DCAF5: variants seen among roughly 807,000 people sequenced by gnomAD.
The protein encoded by DCAF5 is DDB1 and CUL4 associated factor 5, also known as DDB1- and CUL4-associated factor 5.
In DCAF5, 9 loss-of-function variants were observed where a neutral mutation model predicts 80.7. The observed-to-expected ratio is 0.11, with a 90% CI of 0.07 to 0.19. DCAF5 has a LOEUF of 0.19. Among genes scored for constraint, DCAF5 ranks in the 10% least tolerant of loss-of-function variants. DCAF5 has a pLI of 1.00. For missense variants in DCAF5, 842 were observed against 1,205.7 expected (o/e 0.70, Z 4.47); for synonymous variants, 433 against 461.9 (o/e 0.94, Z 0.80).
intron 5 of DCAF5, among the ~76,000 whole-genome samples, chr14:69,106,377 T>C (rs1402127490): frequency 6.6e-6 from 1 of 151,452 alleles, no homozygotes; most frequent in Admixed American, 6.6e-5. Flanking sequence ...TAAATTTTTA[T>C]TTATTTTTAG....
chr14:69,094,466 A>C (rs2039633724), intron 5 of DCAF5, among the ~76,000 whole-genome samples: 1 of 152,208 alleles, frequency 6.6e-6, no homozygotes, highest in African/African-American at 2.4e-5. Flanking sequence ...AGAAAGTACA[A>C]AGGAATCTCA....
intron 5 of DCAF5, among the ~76,000 whole-genome samples, chr14:69,098,727 C>CAAAAAAA (rs35501979): frequency 3.2e-5 from 3 of 92,522 alleles, no homozygotes; most frequent in Non-Finnish European, 6.0e-5. Flanking sequence ...ACTAAAAATA[C>CAAAAAAA]AAAAAAAAAA....
rs1025667902 is a variant in DCAF5 at position 69,152,162 on chromosome 14, G to A, written c.214+603C>T. On this transcript the variant is annotated intron_variant, in intron 1 of 8. Transcript: ENST00000341516. This position sits in a 1 kb window ranked among gnomAD's most constrained non-coding sequence, Gnocchi z 4.1. ...AGGCCACAACCGAACGAAAGGCGAT[G>A]GTGCTGGGCCTCTAAGAGCGCCGAG... Among the ~76,000 whole-genome samples, 1 of 152,206 alleles carries A rather than the reference G, an allele frequency of 6.6e-6. No individual in the cohort carries two copies. The highest frequency in any genetic ancestry group is 2.4e-5 in the African/African-American group (1 of 41,460).
At chr14:69,116,625 C>G in intron 4 of DCAF5, 130 bp from the exon 5 acceptor site, 2 of 1,070,316 alleles carry the variant, frequency 1.9e-6, no homozygotes, top group South Asian at 3.3e-5. Context: ...AGCCCCAAAA[C>G]AGCACATAAT....
At chr14:69,090,114 A>C (rs2039479571) in intron 6 of DCAF5, 1 of 985,064 alleles carries the variant, frequency 1.0e-6, no homozygotes, top group African/African-American at 1.7e-5. Flanking sequence ...TTATTCAACA[A>C]AACAAGAATT....
intron 5 of DCAF5, among the ~76,000 whole-genome samples, chr14:69,098,825 G>A (rs1343354398): frequency 4.9e-5 from 7 of 144,170 alleles, no homozygotes; most frequent in Non-Finnish European, 7.6e-5. Context: ...ATGAGGAGGC[G>A]GAGCTTGTAG....
At chr14:69,092,645 A>G (rs539622199) in intron 5 of DCAF5, among the ~76,000 whole-genome samples, 124 of 152,328 alleles carry the variant, frequency 8.1e-4, no homozygotes, top group Non-Finnish European at 1.6e-3. Context: ...AAACTTGTTT[A>G]TAATCGATAA....
chr14:69,111,169 C>A (rs1268205720), intron 5 of DCAF5, among the ~76,000 whole-genome samples: 3 of 152,174 alleles, frequency 2.0e-5, no homozygotes, highest in Admixed American at 2.0e-4. Context: ...GAGCAACCCT[C>A]AAATGCAATG....
At position 69,113,899 on chromosome 14, in the gene DCAF5, T is replaced by C. The variant is rs541622493; in HGVS notation, c.665+2467A>G. The stretch of plus-strand genomic sequence containing the variant: ...AAACATCCTAGTCCCCATGGCACTA[T>C]GCTCCTTCTTTTATTCCAAAAAGAA... On this transcript the variant is annotated intron_variant, in intron 5 of 8. Coordinates refer to ENST00000341516, the MANE Select transcript of DCAF5 (RefSeq NM_003861.3). Among the ~76,000 whole-genome samples, 3 of 152,202 alleles carry C rather than the reference T, an allele frequency of 2.0e-5. No individual in the cohort carries two copies. The South Asian group carries it at 6.2e-4, about 31-fold the overall frequency.
chr14:69,083,460 G>A (rs1219828991), intron 6 of DCAF5: 8 of 323,932 alleles, frequency 2.5e-5, no homozygotes, highest in Non-Finnish European at 4.2e-5. Flanking sequence ...TCAAACTGCG[G>A]CAGTGGAACC....
At chr14:69,153,196 C>G, upstream of DCAF5, 1 of 394,982 alleles carries the variant, frequency 2.5e-6, no homozygotes, top group Non-Finnish European at 4.4e-6. Context: ...CCCTCTGCCT[C>G]TCCGCCTCCT....
chr14:69,094,986 G>A (rs2039653632), intron 5 of DCAF5, among the ~76,000 whole-genome samples: 1 of 152,104 alleles, frequency 6.6e-6, no homozygotes, highest in Non-Finnish European at 1.5e-5. Context: ...ACAAGGCAGA[G>A]AAAAAAGAAA....
intron 8 of DCAF5, among the ~76,000 whole-genome samples, chr14:69,060,149 C>T (rs945160822): frequency 6.6e-6 from 1 of 152,124 alleles, no homozygotes; most frequent in Non-Finnish European, 1.5e-5. Flanking sequence ...CATTAGTCAT[C>T]AGCCAAAGGA....
At chr14:69,102,932 G>A (rs1027677317) in intron 5 of DCAF5, among the ~76,000 whole-genome samples, 15 of 152,094 alleles carry the variant, frequency 9.9e-5, no homozygotes, top group South Asian at 2.1e-4. Context: ...ACTTTTATAC[G>A]ACTGGCAGCA....
rs763782061 is a variant in DCAF5, at chr14:69,091,716, T to C, written c.837A>G (p.Ser279=). 2 of 1,614,124 alleles carry C rather than the reference T, an allele frequency of 1.2e-6. No homozygotes were observed. The highest frequency in any genetic ancestry group is 1.1e-5 in the South Asian group (1 of 91,072). ...CAAAACAGCAGCTTTTCATGGTGCATGAGTTGAAGTAACCCTGATTGTCAA... is the reference window on the plus strand; with the variant it reads ...CAAAACAGCAGCTTTTCATGGTGCACGAGTTGAAGTAACCCTGATTGTCAA... ...FQFDNQGYFN[S]CTMKSCCFAG... The change falls in exon 6 of 9, where the codon TCA becomes TCG. Residue 279 remains serine, a synonymous_variant. Transcript: ENST00000341516.
chr14:69,109,374 C>A (rs191190375), intron 5 of DCAF5, among the ~76,000 whole-genome samples: 2 of 151,290 alleles, frequency 1.3e-5, no homozygotes, highest in Admixed American at 1.3e-4. Context: ...AATATGATAA[C>A]ATGCACTAAT....
intron 5 of DCAF5, among the ~76,000 whole-genome samples, chr14:69,097,582 ATTTTTTTT>A (rs755644268): frequency 8.0e-6 from 1 of 125,298 alleles, no homozygotes; most frequent in Non-Finnish European, 1.6e-5. Context: ...TATTATTATT[ATTTTTTTT>A]TTTTTTTTTT....
intron 7 of DCAF5, among the ~76,000 whole-genome samples, chr14:69,072,019 T>C (rs2038712585): frequency 6.6e-6 from 1 of 151,720 alleles, no homozygotes; most frequent in Admixed American, 6.6e-5. Flanking sequence ...CCCAAAGAGG[T>C]TTTAGATTGG....
intron 1 of DCAF5, among the ~76,000 whole-genome samples, chr14:69,145,827 T>G (rs2041519632): frequency 6.6e-6 from 1 of 152,220 alleles, no homozygotes; most frequent in Non-Finnish European, 1.5e-5. Context: ...AGAAAAGCAA[T>G]TAGTTTCTTC....
Sources: gnomAD v4.1 joint callset for allele counts (sites outside exome capture counted in the v4.1 genomes callset) on GRCh38, gnomAD v4.1.1 for gene constraint, Gnocchi (gnomAD v3.1) non-coding constraint, MANE v1.5 for transcripts, NCBI Gene and HGNC (gene_info 2026-07-23, HGNC 2026-07-21) for gene names.